The following SNW1 variants were observed in gnomAD, a reference collection of about 807,000 sequenced individuals.
SNW1 encodes the protein SNW domain-containing protein 1.
A neutral mutation model predicts 75.6 loss-of-function variants in SNW1; 9 were observed. The observed-to-expected ratio is 0.12, with a 90% CI of 0.07 to 0.21. The LOEUF is 0.21. Among genes scored for constraint, SNW1 ranks in the 10% least tolerant of loss-of-function variants. The probability of loss-of-function intolerance (pLI) is 1.00; values close to 1 mark genes in which losing one functional copy is unlikely to be tolerated. For missense variants in SNW1, 409 were observed against 670.9 expected, an observed-to-expected ratio of 0.61 and a Z score of 4.31; for synonymous variants, 200 against 219.1, an observed-to-expected ratio of 0.91 and a Z score of 0.77.
intron 10 of SNW1, among the ~76,000 whole-genome samples, chr14:77,726,022 T>G (rs976389910): frequency 3.9e-5 from 6 of 152,230 alleles, no homozygotes; most frequent in African/African-American, 1.4e-4. Flanking sequence ...ACCATGCTGC[T>G]TTGGTTACTA....
At chr14:77,731,182 T>C (rs918310122) in intron 9 of SNW1, 53 bp from the exon 10 acceptor site, 6 of 1,581,010 alleles carry the variant, frequency 3.8e-6, no homozygotes, top group East Asian at 2.2e-5. Flanking sequence ...TAAATATTTA[T>C]GGCTATCATC....
At chr14:77,727,218 T>TA (rs1394015615) in intron 10 of SNW1, among the ~76,000 whole-genome samples, 1 of 152,116 alleles carries the variant, frequency 6.6e-6, no homozygotes, top group Non-Finnish European at 1.5e-5. Flanking sequence ...CATACCCAGC[T>TA]AATTTTTGTA....
At chr14:77,726,640 C>G (rs2080586841) in intron 10 of SNW1, among the ~76,000 whole-genome samples, 1 of 152,084 alleles carries the variant, frequency 6.6e-6, no homozygotes, top group Non-Finnish European at 1.5e-5. Flanking sequence ...TGGTGAAACC[C>G]CATCTCTCCT....
intron 3 of SNW1, among the ~76,000 whole-genome samples, chr14:77,741,096 CAAAA>C (rs60307573): frequency 4.6e-5 from 4 of 87,294 alleles, no homozygotes; most frequent in African/African-American, 4.5e-5. Context: ...AAACTGTCTC[CAAAA>C]AAAAAAAAAA....
At chr14:77,734,567 G>A (rs1158123850) in intron 8 of SNW1, among the ~76,000 whole-genome samples, 2 of 152,102 alleles carry the variant, frequency 1.3e-5, no homozygotes, top group African/African-American at 2.4e-5. Context: ...GTGAAACCCC[G>A]TTTCTACTAA....
intron 2 of SNW1, among the ~76,000 whole-genome samples, chr14:77,752,094 G>A (rs1174722614): frequency 6.6e-6 from 1 of 152,056 alleles, no homozygotes; most frequent in Non-Finnish European, 1.5e-5. Context: ...AAATGGCTAG[G>A]ACAAGGCAAA....
intron 1 of SNW1, among the ~76,000 whole-genome samples, chr14:77,759,841 G>A (rs2139940310): frequency 6.6e-6 from 1 of 151,966 alleles, no homozygotes; most frequent in Non-Finnish European, 1.5e-5. Context: ...TCAGATGCCG[G>A]GCATGGTGGC....
At position 77,755,075 on chromosome 14, in the gene SNW1, A is replaced by T; in HGVS notation, c.60T>A (p.Ala20=). ...PTQLSQDQLE[A]EEKARSQRSR... ...ATCTCTGGGATCTTGCCTTTTCTTC[A>T]GCCTCAAGCTGGTCCTGAGATAGCT... Residue 20 remains alanine, a synonymous_variant, in exon 2 of 14, where the codon GCT becomes GCA. Transcript: ENST00000261531. The T allele has an allele frequency of 6.2e-7, 1 of 1,613,152 alleles. No homozygotes were observed. Among genetic ancestry groups the T allele is most frequent in the Non-Finnish European group, 8.5e-7 (1 of 1,179,946 alleles).
At chr14:77,728,440 A>C (rs897370347) in intron 10 of SNW1, among the ~76,000 whole-genome samples, 1 of 152,192 alleles carries the variant, frequency 6.6e-6, no homozygotes, top group African/African-American at 2.4e-5. Context: ...AACAAGAGCG[A>C]AACTCCGTTT....
In SNW1 at chr14:77,728,647, A is replaced by C. The variant is rs193275742; in HGVS notation, c.1033+2341T>G. Among the ~76,000 whole-genome samples, 139 of 152,278 alleles carry C rather than the reference A, an allele frequency of 9.1e-4. 2 individuals are homozygous for C. The highest frequency in any genetic ancestry group is 5.1e-4 in the Non-Finnish European group (35 of 68,032). ...TACCCTCGCCAGTCTGAGGGAATGG[A>C]GTACAGTTAAGAGCATAAGATTTGG... On this transcript the variant is annotated intron_variant, in intron 10 of 13. Coordinates refer to ENST00000261531, the MANE Select transcript of SNW1 (RefSeq NM_012245.3).
chr14:77,736,008 TG>T lies in SNW1; in HGVS notation c.639-3del. 1 of 1,611,172 alleles carries T rather than the reference TG, an allele frequency of 6.2e-7. No individual in the cohort carries two copies. Among genetic ancestry groups the T allele is most frequent in the Non-Finnish European group, 8.5e-7 (1 of 1,177,588 alleles). ...CCCCGGGGAATTTTCTTATTAATCC[TG>T]AAGTATAAAAACACAACCAGAGAGT... On this transcript the variant is annotated splice_region_variant and splice_polypyrimidine_tract_variant and intron_variant, in intron 6 of 13. Transcript: ENST00000261531.
chr14:77,727,499 C>G (rs1483704384), intron 10 of SNW1, among the ~76,000 whole-genome samples: 1 of 152,192 alleles, frequency 6.6e-6, no homozygotes, highest in African/African-American at 2.4e-5. Context: ...CAATGTTTCT[C>G]CATTCAGTAT....
chr14:77,760,478 C>T (rs2080879023), intron 1 of SNW1, among the ~76,000 whole-genome samples: 1 of 152,196 alleles, frequency 6.6e-6, no homozygotes, highest in South Asian at 2.1e-4. Context: ...AGGCGGAGAG[C>T]ACTTTACAGA....
intron 11 of SNW1, among the ~76,000 whole-genome samples, chr14:77,722,049 C>G (rs962896907): frequency 2.6e-5 from 4 of 152,088 alleles, no homozygotes; most frequent in Non-Finnish European, 5.9e-5. Flanking sequence ...TGCCCGGCCT[C>G]TTTTTTGTGT....
intron 3 of SNW1, among the ~76,000 whole-genome samples, chr14:77,743,795 T>C (rs960432443): frequency 1.3e-5 from 2 of 152,146 alleles, no homozygotes; most frequent in Non-Finnish European, 2.9e-5. Context: ...GTGCCACTTA[T>C]GCTAAACATT....
chr14:77,722,169 T>G (rs1271483311), intron 11 of SNW1, among the ~76,000 whole-genome samples: 1 of 152,206 alleles, frequency 6.6e-6, no homozygotes, highest in African/African-American at 2.4e-5. Context: ...TCACTCAGAA[T>G]TCCACCTTAG....
Position 77,717,894 on chromosome 14 carries a change from C to A in SNW1, c.*194G>T. 1 of 559,932 alleles carries A rather than the reference C, an allele frequency of 1.8e-6. No homozygotes were observed. The highest frequency in any genetic ancestry group is 3.0e-5 in the South Asian group (1 of 33,304). The allele number at this position is 559,932 out of a possible 1,614,324, so 34.7% of individuals were successfully genotyped here. ...AAGGTGGGAGAAGCACAAACACAAC[C>A]CACTCTTTAAAAAAAACTAAATAAT... On this transcript the variant is annotated 3_prime_UTR_variant, in exon 14 of 14. Transcript: ENST00000261531.
intron 5 of SNW1, among the ~76,000 whole-genome samples, chr14:77,738,524 G>A (rs565641331): frequency 2.6e-5 from 4 of 152,224 alleles, no homozygotes; most frequent in Non-Finnish European, 4.4e-5. Flanking sequence ...GGGCTGCAGT[G>A]AGCTGTGTTG....
At chr14:77,736,135 T>C (rs1488236081) in intron 6 of SNW1, 129 bp from the exon 7 acceptor site, 4 of 603,578 alleles carry the variant, frequency 6.6e-6, no homozygotes, top group South Asian at 4.4e-5. Flanking sequence ...TATAATGATA[T>C]ACATTTACCA....
Sources: gnomAD v4.1 joint callset for allele counts (sites outside exome capture counted in the v4.1 genomes callset) on GRCh38, gnomAD v4.1.1 for gene constraint, MANE v1.5 for transcripts, NCBI Gene and HGNC (gene_info 2026-07-23, HGNC 2026-07-21) for gene names.